Variants in IRF2 observed in about 807,000 individuals in gnomAD.
The protein encoded by IRF2 is interferon regulatory factor 2.
In IRF2, 15 loss-of-function variants were observed where a neutral mutation model predicts 40.6. The observed-to-expected ratio is 0.37, with a 90% CI of 0.25 to 0.57. IRF2 has a LOEUF of 0.57. IRF2 is among the 20% of genes least tolerant of loss of function. The probability of loss-of-function intolerance (pLI) is 0.77; values close to 1 mark genes in which losing one functional copy is unlikely to be tolerated. For missense variants in IRF2, 317 were observed against 455.7 expected (o/e 0.70, Z 2.77); for synonymous variants, 151 against 165.5 (o/e 0.91, Z 0.67).
chr4:184,420,150 G>A (rs926687615), intron 2 of IRF2, among the ~76,000 whole-genome samples: 3 of 152,176 alleles, frequency 2.0e-5, no homozygotes, highest in Admixed American at 6.5e-5. Context: ...TTACAGGTGT[G>A]AGCCACCACA....
intron 1 of IRF2, among the ~76,000 whole-genome samples, chr4:184,449,261 C>T (rs1392092652): frequency 6.6e-6 from 1 of 152,188 alleles, no homozygotes; most frequent in Non-Finnish European, 1.5e-5. Context: ...GCGAGGGGTC[C>T]GTCCCAAGTC....
At chr4:184,397,032 G>C (rs1023070274) in intron 7 of IRF2, among the ~76,000 whole-genome samples, 5 of 152,216 alleles carry the variant, frequency 3.3e-5, no homozygotes, top group African/African-American at 4.8e-5. Context: ...AAACATAGTA[G>C]TTCTTGTGAC....
At chr4:184,439,799 G>A (rs1738233651) in intron 1 of IRF2, among the ~76,000 whole-genome samples, 1 of 152,124 alleles carries the variant, frequency 6.6e-6, no homozygotes, top group African/African-American at 2.4e-5. Flanking sequence ...AATGTGTGCT[G>A]CATCCGAACC....
In IRF2 at chr4:184,429,065, G is replaced by A. The variant is rs1297958621; in HGVS notation, c.-1C>T. On this transcript the variant is annotated 5_prime_UTR_variant, in exon 2 of 9. Coordinates refer to ENST00000393593, the MANE Select transcript of IRF2 (RefSeq NM_002199.4). The stretch of plus-strand genomic sequence containing the variant: ...GCATGCGCATCCTTTCCACCGGCAT[G>A]GTGCCCTTGAGGGAGAGAAACACAG... 1.2e-6 allele frequency: 2 copies of A among 1,613,796 alleles called. No individual in the cohort carries two copies. The highest frequency in any genetic ancestry group is 3.3e-5 in the Admixed American group (2 of 60,024).
At chr4:184,411,688 T>C (rs77628789) in intron 5 of IRF2, among the ~76,000 whole-genome samples, 5,584 of 152,154 alleles carry the variant, frequency 0.037, 143 homozygotes, top group Non-Finnish European at 0.052. Context: ...AGTAGGAATA[T>C]CTAAATCTAA....
At chr4:184,394,162 T>C (rs1287488515) in intron 7 of IRF2, among the ~76,000 whole-genome samples, 1 of 152,066 alleles carries the variant, frequency 6.6e-6, no homozygotes, top group Non-Finnish European at 1.5e-5. Flanking sequence ...AACAGGCACA[T>C]GAGTAATTCA....
Position 184,396,881 on chromosome 4 carries a change from T to A in IRF2, c.694+2034A>T, listed in dbSNP as rs1468907073. Reference sequence around the variant, plus strand: ...ACTTTGGGAGGCTGAGGCGAGCAGATCACTTGAGCCCAGGAGTTCTAGACC... The same window carrying A: ...ACTTTGGGAGGCTGAGGCGAGCAGAACACTTGAGCCCAGGAGTTCTAGACC... On this transcript the variant is annotated intron_variant, in intron 7 of 8. Coordinates refer to ENST00000393593, the MANE Select transcript of IRF2 (RefSeq NM_002199.4). 4.6e-5 allele frequency among the ~76,000 whole-genome samples: 7 copies of A among 152,268 alleles called. No homozygotes were observed. The East Asian group carries it at 1.4e-3, about 29-fold the overall frequency.
At chr4:184,457,395 G>A (rs1221576274) in intron 1 of IRF2, among the ~76,000 whole-genome samples, 1 of 152,202 alleles carries the variant, frequency 6.6e-6, no homozygotes, top group Non-Finnish European at 1.5e-5. Flanking sequence ...GACACTCTGG[G>A]CGGATAGGAA....
chr4:184,431,403 C>G (rs1737872899), intron 1 of IRF2, among the ~76,000 whole-genome samples: 1 of 152,084 alleles, frequency 6.6e-6, no homozygotes, highest in Non-Finnish European at 1.5e-5. Flanking sequence ...GGTACCATGC[C>G]CCATGAAGAT....
intron 1 of IRF2, among the ~76,000 whole-genome samples, chr4:184,439,403 T>A (rs1404634733): frequency 6.6e-6 from 1 of 151,676 alleles, no homozygotes; most frequent in Admixed American, 6.6e-5. Context: ...ACCGGGAATT[T>A]TTTTTATTAT....
intron 2 of IRF2, among the ~76,000 whole-genome samples, chr4:184,426,801 T>A (rs1347174354): frequency 6.6e-6 from 1 of 152,224 alleles, no homozygotes. Flanking sequence ...AGCAGACCAC[T>A]TGCTTCTCTT....
Position 184,445,947 on chromosome 4 carries a change from A to G in IRF2, c.-6-16877T>C, listed in dbSNP as rs1047274826. 5.1e-4 allele frequency among the ~76,000 whole-genome samples: 78 copies of G among 152,342 alleles called. 1 individual carries two copies. The highest frequency in any genetic ancestry group is 4.1e-4 in the South Asian group (2 of 4,832). On this transcript the variant is annotated intron_variant, in intron 1 of 8. Coordinates refer to ENST00000393593, the MANE Select transcript of IRF2 (RefSeq NM_002199.4). ...CAGATTAGAATGGGCCCTAAATCCA[A>G]TATGACTGGTGTCCTTTTAAGAAGA...
chr4:184,421,756 G>C (rs530574966), intron 2 of IRF2, among the ~76,000 whole-genome samples: 1 of 152,132 alleles, frequency 6.6e-6, no homozygotes, highest in South Asian at 2.1e-4. Flanking sequence ...ACCAAACCTA[G>C]TCCCACAGAA....
chr4:184,471,972 G>A (rs1739527499), intron 1 of IRF2: 1 of 152,192 alleles, frequency 6.6e-6, no homozygotes, highest in South Asian at 2.1e-4. Flanking sequence ...GTTACAAATC[G>A]TAACAGACAA....
chr4:184,425,978 TTTTG>T (rs200905685), intron 2 of IRF2, among the ~76,000 whole-genome samples: 37,482 of 98,574 alleles, frequency 0.38, 5,303 homozygotes, highest in African/African-American at 0.48. Context: ...TCACTCCGGT[TTTTG>T]TTTGTTTGTT....
intron 1 of IRF2, among the ~76,000 whole-genome samples, chr4:184,447,851 G>A (rs527403284): frequency 2.0e-5 from 3 of 152,296 alleles, no homozygotes; most frequent in South Asian, 2.1e-4. Context: ...GCAGGGCACC[G>A]AAATTCAACA....
chr4:184,429,723 C>T (rs530908375), intron 1 of IRF2, among the ~76,000 whole-genome samples: 1 of 152,144 alleles, frequency 6.6e-6, no homozygotes, highest in Admixed American at 6.5e-5. Flanking sequence ...TTCTTCAATG[C>T]CAGCCTCCCC....
chr4:184,456,345 C>T (rs1291053555), intron 1 of IRF2, among the ~76,000 whole-genome samples: 2 of 152,278 alleles, frequency 1.3e-5, no homozygotes, highest in African/African-American at 4.8e-5. Flanking sequence ...CCAAGGGATC[C>T]TCAGGTGGAA....
At chr4:184,411,924 C>T (rs1420453074) in intron 5 of IRF2, among the ~76,000 whole-genome samples, 1 of 149,440 alleles carries the variant, frequency 6.7e-6, no homozygotes, top group African/African-American at 2.5e-5. Context: ...CTCCCTTTCT[C>T]ACTTTAGATA....
Sources: gnomAD v4.1 joint callset for allele counts (sites outside exome capture counted in the v4.1 genomes callset) on GRCh38, gnomAD v4.1.1 for gene constraint, MANE v1.5 for transcripts, NCBI Gene and HGNC (gene_info 2026-07-23, HGNC 2026-07-21) for gene names.